Variants in FIGLA observed in about 807,000 individuals in gnomAD.
FIGLA encodes the protein folliculogenesis specific bHLH transcription factor.
In FIGLA, 17 loss-of-function variants were observed where a neutral mutation model predicts 21.5. The observed-to-expected ratio is 0.79, with a 90% CI of 0.54 to 1.19. FIGLA has a LOEUF of 1.19. Among genes scored for constraint, FIGLA ranks in the 50% most tolerant of loss-of-function variants. FIGLA has a pLI of 0.00. For synonymous variants in FIGLA, 129 were observed against 117.6 expected, an observed-to-expected ratio of 1.10 and a Z score of -0.63; for missense variants, 282 against 285.0, an observed-to-expected ratio of 0.99 and a Z score of 0.08.
At chr2:70,788,112 T>C (rs1296918136) in intron 1 of FIGLA, among the ~76,000 whole-genome samples, 2 of 152,324 alleles carry the variant, frequency 1.3e-5, no homozygotes, top group Non-Finnish European at 2.9e-5. Context: ...GGCTAAAATA[T>C]GAATTAACTA....
intron 4 of FIGLA, 40 bp from the exon 5 acceptor site, chr2:70,777,422 TAAG>T (rs1338532918): frequency 1.4e-6 from 2 of 1,414,458 alleles, no homozygotes; most frequent in South Asian, 1.5e-5. Flanking sequence ...TAGTTAAAAA[TAAG>T]AACCGTTTAC....
At chr2:70,777,983 A>C (rs1675791050) in intron 3 of FIGLA, among the ~76,000 whole-genome samples, 1 of 152,260 alleles carries the variant, frequency 6.6e-6, no homozygotes, top group African/African-American at 2.4e-5. Flanking sequence ...ACTTGAAGAA[A>C]AAATAAACCC....
At chr2:70,788,970 C>T (rs1209094061) in intron 1 of FIGLA, among the ~76,000 whole-genome samples, 2 of 152,044 alleles carry the variant, frequency 1.3e-5, no homozygotes, top group African/African-American at 2.4e-5. Context: ...CGATAGGTAC[C>T]GGTAAAAAGC....
chr2:70,777,703 TA>T, intron 3 of FIGLA, 32 bp from the exon 4 acceptor site: 1 of 1,126,870 alleles, frequency 8.9e-7, no homozygotes, highest in South Asian at 1.3e-5. Flanking sequence ...CAGAAAGGGC[TA>T]AACACATCGG....
At chr2:70,782,136 C>A (rs1553389207) in intron 3 of FIGLA, among the ~76,000 whole-genome samples, 4 of 152,232 alleles carry the variant, frequency 2.6e-5, no homozygotes, top group African/African-American at 9.6e-5. Flanking sequence ...AGTTTCAAAG[C>A]ACCTCCTCAC....
Position 70,788,675 on chromosome 2 carries a change from GAATTT to G in FIGLA, c.232-879_232-875del, listed in dbSNP as rs561962403. Among the ~76,000 whole-genome samples the G allele has an allele frequency of 2.9e-3, 444 of 152,262 alleles. 4 individuals are homozygous for G. Among genetic ancestry groups the G allele is most frequent in the African/African-American group, 0.01 (422 of 41,544 alleles). ...ACAACAACCACTCAGTGTATAAAAA[GAATTT>G]AATAATCAAAGAACTACAAACTAAA... On this transcript the variant is annotated intron_variant, in intron 1 of 4. Transcript: ENST00000332372.
In FIGLA at chr2:70,777,323, G is replaced by C; in HGVS notation, c.*44C>G. The C allele has an allele frequency of 7.4e-7, 1 of 1,343,648 alleles. No individual in the cohort carries two copies. Among genetic ancestry groups the C allele is most frequent in the Non-Finnish European group, 1.0e-6 (1 of 998,486 alleles). The allele number at this position is 1,343,648 out of a possible 1,614,324, so 83.2% of individuals were successfully genotyped here. On this transcript the variant is annotated 3_prime_UTR_variant, in exon 5 of 5. Transcript: ENST00000332372. ...GAGAGACTCCAAAACTTTCAAGACT[G>C]CATTTATTTGTCTCTAGAAGGTAAC...
intron 3 of FIGLA, among the ~76,000 whole-genome samples, chr2:70,784,368 A>G (rs1327679822): frequency 1.3e-5 from 2 of 152,236 alleles, no homozygotes; most frequent in African/African-American, 4.8e-5. Context: ...TCATGAGTCA[A>G]GAGAAGTTGG....
intron 3 of FIGLA, among the ~76,000 whole-genome samples, chr2:70,781,994 G>A (rs1053691259): frequency 6.6e-6 from 1 of 152,174 alleles, no homozygotes; most frequent in African/African-American, 2.4e-5. Flanking sequence ...AACCATTGCG[G>A]AAAACTGGGC....
chr2:70,789,082 G>A (rs1676009113), intron 1 of FIGLA, among the ~76,000 whole-genome samples: 1 of 151,952 alleles, frequency 6.6e-6, no homozygotes, highest in Admixed American at 6.5e-5. Flanking sequence ...GAATACTTAA[G>A]AATATAAGAA....
intron 3 of FIGLA, among the ~76,000 whole-genome samples, chr2:70,783,568 A>T (rs975367591): frequency 1.3e-5 from 2 of 152,230 alleles, no homozygotes; most frequent in East Asian, 3.8e-4. Flanking sequence ...GCTCACCATG[A>T]CAGTGACATG....
At chr2:70,787,918 G>T in intron 1 of FIGLA, 117 bp from the exon 2 acceptor site, 3 of 987,860 alleles carry the variant, frequency 3.0e-6, no homozygotes, top group South Asian at 1.6e-5. Context: ...AATCTAAACA[G>T]GCATATGCCC....
chr2:70,789,149 G>C (rs1676010644), intron 1 of FIGLA, among the ~76,000 whole-genome samples: 1 of 104,218 alleles, frequency 9.6e-6, no homozygotes, highest in African/African-American at 5.0e-5. Flanking sequence ...TGAATATTTT[G>C]TAAAAATTAT....
intron 2 of FIGLA, 90 bp downstream of exon 2, chr2:70,787,559 G>T: frequency 7.7e-7 from 1 of 1,300,614 alleles, no homozygotes; most frequent in Non-Finnish European, 1.1e-6. Context: ...TAAGTGGAAA[G>T]TATACATATA....
In FIGLA at chr2:70,785,646, A is replaced by G. The variant is rs1553389892; in HGVS notation, c.385-7T>C. 4 of 1,606,400 alleles carry G rather than the reference A, an allele frequency of 2.5e-6. No individual in the cohort carries two copies. Among genetic ancestry groups the G allele is most frequent in the Non-Finnish European group, 2.6e-6 (3 of 1,173,208 alleles). On this transcript the variant is annotated splice_region_variant and splice_polypyrimidine_tract_variant and intron_variant, in intron 2 of 4. Coordinates refer to ENST00000332372, the MANE Select transcript of FIGLA (RefSeq NM_001004311.3). ...GCTCATCTGGGTCTTGTTTCTGGAA[A>G]CCATATTTAGTTGTCAAACAGTATA...
chr2:70,778,391 CT>C (rs1284284872), intron 3 of FIGLA, among the ~76,000 whole-genome samples: 1 of 151,534 alleles, frequency 6.6e-6, no homozygotes, highest in Non-Finnish European at 1.5e-5. Context: ...GTATGAGTAG[CT>C]TTTTTTTTCT....
rs1553388443 is a variant in FIGLA, at chr2:70,777,383, C to T, written c.645-1G>A. On this transcript the variant is annotated splice_acceptor_variant, in intron 4 of 4. Transcript: ENST00000332372. LOFTEE classifies it high-confidence loss of function. Reference sequence around the variant, plus strand: ...TTTCATTTTTCATACTTGTGGAAGTCTGAAACAGAGAAAACATTCCATTAT... The same window carrying T: ...TTTCATTTTTCATACTTGTGGAAGTTTGAAACAGAGAAAACATTCCATTAT... The T allele has an allele frequency of 6.7e-7, 1 of 1,486,522 alleles. No individual in the cohort carries two copies. The allele number at this position is 1,486,522 out of a possible 1,614,324, so 92.1% of individuals were successfully genotyped here. A position where few individuals can be genotyped will look rare whatever the true frequency, so the allele number is the denominator to read the frequency against.
At chr2:70,780,115 GGGCTCT>G (rs1675828089) in intron 3 of FIGLA, among the ~76,000 whole-genome samples, 1 of 152,084 alleles carries the variant, frequency 6.6e-6, no homozygotes, top group Non-Finnish European at 1.5e-5. Flanking sequence ...TGAACTTCTG[GGGCTCT>G]GGCCCCAGAC....
chr2:70,790,605 C>G lies in FIGLA; in HGVS notation c.34G>C (p.Ala12Pro), dbSNP rs1676044488. The change falls in exon 1 of 5, where the codon GCC becomes CCC. Residue 12 changes from alanine (A) to proline (P), a missense_variant. Physicochemically the swap from Ala to Pro is conservative, Grantham distance 27 (BLOSUM62 -1). Transcript: ENST00000332372. ...DPAPGVLDPR[A>P]APPALLGTPQ... ...GTGCCCAGGAGCGCGGGCGGCGCGG[C>G]GCGGGGATCTAGGACGCCGGGCGCG... 1 of 1,465,760 alleles carries G rather than the reference C, an allele frequency of 6.8e-7. No individual in the cohort carries two copies. The highest frequency in any genetic ancestry group is 9.0e-7 in the Non-Finnish European group (1 of 1,115,000). 90.8% of individuals were successfully genotyped at this position (1,465,760 alleles called of 1,614,324 possible).
Sources: allele counts gnomAD v4.1 joint callset (sites outside exome capture counted in the v4.1 genomes callset), GRCh38; gene constraint gnomAD v4.1.1; transcripts MANE v1.5; gene names NCBI Gene and HGNC (gene_info 2026-07-23, HGNC 2026-07-21).